MTX2: variants seen among roughly 807,000 people sequenced by gnomAD.
MTX2 encodes metaxin 2, also known as metaxin-2.
A neutral mutation model predicts 42.3 loss-of-function variants in MTX2; 35 were observed. The observed-to-expected ratio is 0.83, with a 90% CI of 0.63 to 1.10. The LOEUF is 1.10. Ranked by LOEUF, MTX2 falls within the 50% of genes least tolerant of loss-of-function variation. MTX2 has a pLI of 0.00. For missense variants in MTX2, 307 were observed against 304.1 expected (o/e 1.01, Z -0.07); for synonymous variants, 119 against 100.9 (o/e 1.18, Z -1.08).
chr2:176,317,026 A>G (rs1684458747), intron 3 of MTX2, among the ~76,000 whole-genome samples: 1 of 144,618 alleles, frequency 6.9e-6, no homozygotes, highest in South Asian at 2.3e-4. Context: ...GATTTTGACT[A>G]AGTGTCTTTT....
chr2:176,283,819 C>T (rs1693133846), intron 1 of MTX2, among the ~76,000 whole-genome samples: 1 of 152,174 alleles, frequency 6.6e-6, no homozygotes, highest in South Asian at 2.1e-4. Context: ...GTTGAGGTCT[C>T]ACAGTTGTGT....
In MTX2 at chr2:176,335,280, A is replaced by G. The variant is rs145526952; in HGVS notation, c.621-2213A>G. 9.2e-3 allele frequency among the ~76,000 whole-genome samples: 1,400 copies of G among 152,198 alleles called. 14 individuals carry two copies. Among genetic ancestry groups the G allele is most frequent in the South Asian group, 0.032 (155 of 4,812 alleles). On this transcript the variant is annotated intron_variant, in intron 9 of 9. Coordinates refer to ENST00000249442, the MANE Select transcript of MTX2 (RefSeq NM_006554.5). ...AATTGGCTTGAGTTTGTTACGTTCA[A>G]ATGCAAGAAACAAGGCCAGTTTGGG... is the stretch of plus-strand genomic sequence containing the variant.
intron 3 of MTX2, among the ~76,000 whole-genome samples, chr2:176,320,227 G>A (rs1434922448): frequency 6.6e-6 from 1 of 151,788 alleles, no homozygotes; most frequent in East Asian, 1.9e-4. Flanking sequence ...CAGCCTGGGC[G>A]ACAGAGTGAA....
intron 6 of MTX2, 55 bp from the exon 7 acceptor site, chr2:176,328,819 T>TTA: frequency 6.5e-7 from 1 of 1,545,992 alleles, no homozygotes; most frequent in Non-Finnish European, 8.9e-7. Flanking sequence ...ATAACTTTCT[T>TTA]TATCCTTTTC....
At chr2:176,319,726 C>G (rs181907472) in intron 3 of MTX2, among the ~76,000 whole-genome samples, 45 of 152,160 alleles carry the variant, frequency 3.0e-4, no homozygotes, top group Admixed American at 2.6e-3. Flanking sequence ...CAGGCACACA[C>G]CACCACGCCC....
intron 1 of MTX2, among the ~76,000 whole-genome samples, chr2:176,294,630 A>T (rs1202762824): frequency 6.6e-6 from 1 of 152,212 alleles, no homozygotes; most frequent in African/African-American, 2.4e-5. Context: ...TTCATATAAG[A>T]ACTCTGTTAC....
chr2:176,312,429 T>C (rs1299411081), intron 3 of MTX2, among the ~76,000 whole-genome samples: 1 of 152,222 alleles, frequency 6.6e-6, no homozygotes, highest in Admixed American at 6.5e-5. Context: ...TTATCAGTTT[T>C]ATCAGTGTGT....
At chr2:176,327,725 A>C (rs1684743341) in intron 5 of MTX2, among the ~76,000 whole-genome samples, 1 of 150,840 alleles carries the variant, frequency 6.6e-6, no homozygotes, top group African/African-American at 2.4e-5. Context: ...CTTTGTATAA[A>C]TTCCTAAGGT....
intron 1 of MTX2, among the ~76,000 whole-genome samples, chr2:176,274,943 G>A (rs912627424): frequency 3.3e-5 from 5 of 152,106 alleles, no homozygotes; most frequent in African/African-American, 9.7e-5. Flanking sequence ...AACACCTGGC[G>A]GAGAATATCC....
At chr2:176,322,038 TTG>T (rs1684596585) in intron 3 of MTX2, among the ~76,000 whole-genome samples, 2 of 152,234 alleles carry the variant, frequency 1.3e-5, no homozygotes, top group South Asian at 4.1e-4. Flanking sequence ...TGCCATTTAC[TTG>T]AGGAGATCAG....
chr2:176,293,470 G>A (rs962180067), intron 1 of MTX2, among the ~76,000 whole-genome samples: 3 of 152,128 alleles, frequency 2.0e-5, no homozygotes, highest in African/African-American at 7.2e-5. Flanking sequence ...TCCTGGTGGA[G>A]GTGTTTGGGT....
At chr2:176,323,360 A>C (rs1243226309) in intron 3 of MTX2, 32 bp from the exon 4 acceptor site, 1 of 1,570,978 alleles carries the variant, frequency 6.4e-7, no homozygotes, top group Non-Finnish European at 8.7e-7. Flanking sequence ...TATGCTTTTT[A>C]CTGGGCTTAT....
chr2:176,300,798 A>G (rs2105417205), intron 3 of MTX2, among the ~76,000 whole-genome samples: 1 of 152,266 alleles, frequency 6.6e-6, no homozygotes. Flanking sequence ...TGGGTAGGAT[A>G]GGATTGAATA....
intron 3 of MTX2, among the ~76,000 whole-genome samples, chr2:176,298,615 T>C (rs1683949076): frequency 6.6e-6 from 1 of 152,198 alleles, no homozygotes; most frequent in South Asian, 2.1e-4. Flanking sequence ...TGCCATTTAC[T>C]TAGCTTGTGT....
At chr2:176,298,914 C>G (rs778918574) in intron 3 of MTX2, among the ~76,000 whole-genome samples, 1 of 152,036 alleles carries the variant, frequency 6.6e-6, no homozygotes, top group Non-Finnish European at 1.5e-5. Flanking sequence ...GAAAATATAG[C>G]CAGGCTATTC....
intron 9 of MTX2, among the ~76,000 whole-genome samples, chr2:176,335,308 G>A (rs1002731751): frequency 2.0e-5 from 3 of 152,136 alleles, no homozygotes; most frequent in African/African-American, 7.2e-5. Context: ...AGTTTGGGTT[G>A]TATGCTATGA....
intron 3 of MTX2, among the ~76,000 whole-genome samples, chr2:176,316,381 TTTTA>T (rs773097298): frequency 3.2e-4 from 49 of 152,152 alleles, no homozygotes; most frequent in Non-Finnish European, 5.9e-4. Flanking sequence ...TTGCTCTTTA[TTTTA>T]TTTATTTATT....
chr2:176,329,026 A>G (rs1684789383), intron 7 of MTX2, 114 bp downstream of exon 7: 3 of 1,002,546 alleles, frequency 3.0e-6, no homozygotes, highest in South Asian at 1.6e-5. Flanking sequence ...CATTAGTGAT[A>G]TAGTTTTTCA....
chr2:176,330,536 G>A, intron 8 of MTX2, 48 bp from the exon 9 acceptor site: 1 of 1,342,272 alleles, frequency 7.5e-7, no homozygotes, highest in Non-Finnish European at 1.0e-6. Flanking sequence ...ACTTTTTATT[G>A]TTTTGCTAAT....
Sources: allele counts gnomAD v4.1 joint callset (sites outside exome capture counted in the v4.1 genomes callset), GRCh38; gene constraint gnomAD v4.1.1; transcripts MANE v1.5; gene names NCBI Gene and HGNC (gene_info 2026-07-23, HGNC 2026-07-21).